DOP1A: variants seen among roughly 807,000 people sequenced by gnomAD.
The protein encoded by DOP1A is protein DOP1A.
DOP1A carries 90 observed loss-of-function variants against 267.6 expected under a neutral mutation model. That is an observed-to-expected ratio of 0.34 (90% confidence interval 0.28 to 0.40). DOP1A has a LOEUF of 0.40. Ranked by LOEUF, DOP1A falls within the 10% of genes least tolerant of loss-of-function variation. The probability of loss-of-function intolerance (pLI) is 1.00; values close to 1 mark genes in which losing one functional copy is unlikely to be tolerated. For synonymous variants in DOP1A, 932 were observed against 999.1 expected (o/e 0.93, Z 1.27); for missense variants, 2,437 against 2,900.4 (o/e 0.84, Z 3.67).
chr6:83,168,687 C>G (rs1423864638), downstream of DOP1A: 1 of 995,718 alleles, frequency 1.0e-6, no homozygotes, highest in East Asian at 1.1e-4. Flanking sequence ...GCATCTCCAC[C>G]TCAGTATGGA....
chr6:83,078,085 C>A (rs1767439323), intron 1 of DOP1A, among the ~76,000 whole-genome samples: 1 of 152,130 alleles, frequency 6.6e-6, no homozygotes, highest in African/African-American at 2.4e-5. Context: ...AAATTAAATT[C>A]TATCCACAAA....
At chr6:83,132,460 C>A in intron 18 of DOP1A, 132 bp downstream of exon 18, 1 of 995,482 alleles carries the variant, frequency 1.0e-6, no homozygotes, top group Non-Finnish European at 1.4e-6. Flanking sequence ...GCTTTGTTCA[C>A]AGTGATCTTA....
At position 83,148,830 on chromosome 6, in the gene DOP1A, G is replaced by A. The variant is rs763323986; in HGVS notation, c.5804G>A (p.Ser1935Asn). 45 of 1,550,256 alleles carry A rather than the reference G, an allele frequency of 2.9e-5. No individual in the cohort carries two copies. Among genetic ancestry groups the A allele is most frequent in the Non-Finnish European group, 3.5e-5 (41 of 1,158,900 alleles). The change falls in exon 27 of 39, where the codon AGT becomes AAT. Residue 1935 changes from serine to asparagine, a missense_variant. Ser to Asn is a conservative substitution (Grantham distance 46). Transcript: ENST00000349129. ...CTTCTGAAAGACTCTATACAACTGAGTCTTCCAGCTCCAGGGCAGTTTCTT... is the reference window on the plus strand; with the variant it reads ...CTTCTGAAAGACTCTATACAACTGAATCTTCCAGCTCCAGGGCAGTTTCTT... ...LILLKDSIQL[S>N]LPAPGQFLIL...
At chr6:83,106,874 A>G (rs1773702249) in intron 4 of DOP1A, among the ~76,000 whole-genome samples, 1 of 152,098 alleles carries the variant, frequency 6.6e-6, no homozygotes, top group African/African-American at 2.4e-5. Context: ...CTGAAAGTCA[A>G]AAGGGAAGAG....
rs1334597227 is a variant in DOP1A, at chr6:83,164,822, G to A, written c.7092+1903G>A. 8 of 878,910 alleles carry A rather than the reference G, an allele frequency of 9.1e-6. No individual in the cohort carries two copies. In the Admixed American group the frequency reaches 2.0e-4, roughly 22 times the overall value. The allele number at this position is 878,910 out of a possible 1,614,324, so 54.4% of individuals were successfully genotyped here. A position where few individuals can be genotyped will look rare whatever the true frequency, so the allele number is the denominator to read the frequency against. ...TCAACAAGTACAAGGGAGGTAAACA[G>A]GAAGGAAGTCTTTTTTCAAGTGTGG... On this transcript the variant is annotated intron_variant, in intron 38 of 38. Transcript: ENST00000349129.
intron 31 of DOP1A, 104 bp from the exon 32 acceptor site, chr6:83,153,790 T>C: frequency 7.8e-7 from 1 of 1,284,132 alleles, no homozygotes; most frequent in Non-Finnish European, 1.1e-6. Flanking sequence ...TTCTATTTCA[T>C]ATCTTCATGT....
chr6:83,130,964 C>T (rs1465283230), intron 17 of DOP1A, among the ~76,000 whole-genome samples: 5 of 152,038 alleles, frequency 3.3e-5, no homozygotes, highest in African/African-American at 9.7e-5. Context: ...GTCTCAAACT[C>T]CCGACCTCAG....
intron 1 of DOP1A, among the ~76,000 whole-genome samples, chr6:83,069,131 G>A (rs1293416371): frequency 6.6e-6 from 1 of 152,208 alleles, no homozygotes; most frequent in Admixed American, 6.5e-5. Context: ...AGATTCAAGT[G>A]CTTTAATCTG....
Position 83,110,225 on chromosome 6 carries a change from C to T in DOP1A, c.592C>T (p.Pro198Ser), listed in dbSNP as rs749071181. 9 of 1,614,056 alleles carry T rather than the reference C, an allele frequency of 5.6e-6. No homozygotes were observed. The Middle Eastern group carries it at 8.2e-4, about 148-fold the overall frequency. Residue 198 changes from proline to serine, a missense_variant, in exon 6 of 39, where the codon CCT becomes TCT. Pro to Ser is a moderately conservative substitution (Grantham distance 74). Transcript: ENST00000349129. ...SLLTSPAVRL[P>S]GITYVLAHLN... The stretch of plus-strand genomic sequence containing the variant: ...TCTCACCAGTCCTGCTGTGCGTTTA[C>T]CTGGAATCACGTATGTTCTTGCCCA...
At chr6:83,133,187 AT>A (rs1778341271) in intron 18 of DOP1A, among the ~76,000 whole-genome samples, 1 of 152,184 alleles carries the variant, frequency 6.6e-6, no homozygotes. Context: ...TTATTCAAAA[AT>A]AATAGGTAAG....
At chr6:83,134,115 C>A (rs1203611954) in intron 18 of DOP1A, 72 bp from the exon 19 acceptor site, 1 of 1,317,262 alleles carries the variant, frequency 7.6e-7, no homozygotes, top group Non-Finnish European at 1.1e-6. Context: ...CTAAATAGTA[C>A]TCTGATTTTA....
intron 16 of DOP1A, among the ~76,000 whole-genome samples, chr6:83,129,856 C>G (rs756936915): frequency 6.6e-6 from 1 of 152,048 alleles, no homozygotes; most frequent in South Asian, 2.1e-4. Context: ...GCAGTGAATA[C>G]TACATAATGC....
At chr6:83,099,900 A>G (rs1001235260) in intron 3 of DOP1A, among the ~76,000 whole-genome samples, 1 of 152,116 alleles carries the variant, frequency 6.6e-6, no homozygotes, top group African/African-American at 2.4e-5. Flanking sequence ...AAGACTTTGC[A>G]TATTTCTTCT....
At chr6:83,167,270 T>C (rs1218584849) in intron 38 of DOP1A, 1 of 984,330 alleles carries the variant, frequency 1.0e-6, no homozygotes, top group East Asian at 1.1e-4. Context: ...CCAGCTTTCC[T>C]CCCTATGTTG....
At chr6:83,136,999 TAAG>T (rs1778962688) in intron 20 of DOP1A, among the ~76,000 whole-genome samples, 171 bp from the exon 21 acceptor site, 1 of 152,144 alleles carries the variant, frequency 6.6e-6, no homozygotes, top group African/African-American at 2.4e-5. Context: ...AGTGAGGTAT[TAAG>T]GAGGAAAAAA....
intron 17 of DOP1A, 43 bp downstream of exon 17, chr6:83,130,440 C>A: frequency 6.4e-7 from 1 of 1,561,670 alleles, no homozygotes. Context: ...TGATTACAGC[C>A]ATGTATGATA....
intron 4 of DOP1A, among the ~76,000 whole-genome samples, chr6:83,103,112 T>G (rs1192709502): frequency 6.6e-6 from 1 of 152,208 alleles, no homozygotes; most frequent in Non-Finnish European, 1.5e-5. Context: ...TATTATTATT[T>G]ATCCTGTTGG....
rs770468598 is a variant in DOP1A, at chr6:83,152,305, A to G, written c.6067A>G (p.Met2023Val). The change falls in exon 30 of 39, where the codon ATG becomes GTG. Residue 2023 changes from methionine (M) to valine (V), a missense_variant. By Grantham distance (21) the Met-to-Val change is conservative. Around this residue, in one of 9 missense-constraint regions of DOP1A, gnomAD observed 216 missense variants for 283.3 expected, o/e 0.76. Coordinates refer to ENST00000349129, the MANE Select transcript of DOP1A (RefSeq NM_015018.4). ...SDVEDMLSPAMETANITPSVY... is the reference protein window; with the variant it reads ...SDVEDMLSPAVETANITPSVY... ...ATTTATAGATATGTTATCACCTGCA[A>G]TGGAAACCGCAAACATAACTCCTTC... 5.1e-6 allele frequency: 8 copies of G among 1,573,332 alleles called. No individual in the cohort carries two copies. The highest frequency in any genetic ancestry group is 5.2e-6 in the Non-Finnish European group (6 of 1,161,314).
intron 7 of DOP1A, among the ~76,000 whole-genome samples, chr6:83,113,740 A>T (rs981029789): frequency 2.6e-5 from 4 of 152,182 alleles, no homozygotes; most frequent in Non-Finnish European, 5.9e-5. Flanking sequence ...CATCATCTGT[A>T]CTGGTGTTAT....
Sources: gnomAD v4.1 joint callset for allele counts (sites outside exome capture counted in the v4.1 genomes callset) on GRCh38, gnomAD v4.1.1 for gene constraint, gnomAD v4.1.1 regional missense constraint, MANE v1.5 for transcripts, NCBI Gene and HGNC (gene_info 2026-07-23, HGNC 2026-07-21) for gene names.